Variants in WIPI2 observed in about 807,000 individuals in gnomAD.
WIPI2 encodes WD repeat domain, phosphoinositide interacting 2.
Under a neutral mutation model 52.3 loss-of-function variants are expected in WIPI2, and 28 were observed. The observed-to-expected ratio is 0.54, with a 90% CI of 0.40 to 0.73. The LOEUF is 0.73. Ranked by LOEUF, WIPI2 falls within the 30% of genes least tolerant of loss-of-function variation. The pLI is 0.00. For synonymous variants in WIPI2, 268 were observed against 245.0 expected (o/e 1.09, Z -0.88); for missense variants, 506 against 602.9 (o/e 0.84, Z 1.68).
Position 5,232,584 on chromosome 7 carries a change from A to G in WIPI2, c.*1637A>G, listed in dbSNP as rs901842873. On this transcript the variant is annotated 3_prime_UTR_variant, in exon 13 of 13. Coordinates refer to ENST00000288828, the MANE Select transcript of WIPI2 (RefSeq NM_015610.4). ...TGAGACAGTGGGGACCGCCGAGGCC[A>G]GAGTGGGCTATGCTTGAGCAGGGAT... 4.9e-5 allele frequency: 17 copies of G among 347,908 alleles called. No homozygotes were observed. The highest frequency in any genetic ancestry group is 8.7e-5 in the Non-Finnish European group (17 of 194,578). 21.6% of individuals were successfully genotyped at this position (347,908 alleles called of 1,614,324 possible).
In WIPI2 at chr7:5,227,087, G is replaced by A; in HGVS notation, c.849-93G>A. 8 of 1,514,352 alleles carry A rather than the reference G, an allele frequency of 5.3e-6. No individual in the cohort carries two copies. Among genetic ancestry groups the A allele is most frequent in the Non-Finnish European group, 6.2e-6 (7 of 1,120,940 alleles). 93.8% of individuals were successfully genotyped at this position (1,514,352 alleles called of 1,614,324 possible). A position where few individuals can be genotyped will look rare whatever the true frequency, so the allele number is the denominator to read the frequency against. On this transcript the variant is annotated intron_variant, in intron 9 of 12. Transcript: ENST00000288828. This position sits in a 1 kb window ranked among gnomAD's most constrained non-coding sequence, Gnocchi z 8.1. Reference sequence around the variant, plus strand: ...CCTGTGAAGAATGGAGACTTTTGCTGTCGGCTCCAGAGCTGTGCGTCTGTG... The same window carrying A: ...CCTGTGAAGAATGGAGACTTTTGCTATCGGCTCCAGAGCTGTGCGTCTGTG...
rs145171712 is a variant in WIPI2, at chr7:5,229,738, G to A, written c.1252G>A (p.Ala418Thr). The A allele has an allele frequency of 9.4e-5, 151 of 1,613,580 alleles. No homozygotes were observed. The highest frequency in any genetic ancestry group is 1.3e-4 in the Non-Finnish European group (148 of 1,179,776). Residue 418 changes from alanine to threonine, a missense_variant and splice_region_variant, in exon 12 of 13, where the codon GCC becomes ACC. Physicochemically the swap from Ala to Thr is moderately conservative, Grantham distance 58. This residue lies in a region of WIPI2 where 194 missense variants were observed against 175.1 expected (regional missense o/e 1.11). Transcript: ENST00000288828. ...CGTGCCTTCATCCCCAACGAGACTT[G>A]GTAAGGGGCGTGACGCAAACCTGGA... ...TYVPSSPTRL[A>T]YTDDLGAVGG...
rs1166588422 is a variant in WIPI2 at position 5,232,661 on chromosome 7, G to T, written c.*1714G>T. 1.8e-5 allele frequency: 4 copies of T among 219,566 alleles called. No individual in the cohort carries two copies. Among genetic ancestry groups the T allele is most frequent in the Non-Finnish European group, 2.7e-5 (3 of 112,616 alleles). 13.6% of individuals were successfully genotyped at this position (219,566 alleles called of 1,614,324 possible). On this transcript the variant is annotated 3_prime_UTR_variant, in exon 13 of 13. Transcript: ENST00000288828. The stretch of plus-strand genomic sequence containing the variant: ...TTGACCCACGCCTGCGTCTTGTGGT[G>T]CAAGGCCAGAGGGCTCTCTCTAGAA...
chr7:5,201,470 G>A (rs928968325), intron 3 of WIPI2, among the ~76,000 whole-genome samples: 7 of 152,226 alleles, frequency 4.6e-5, no homozygotes, highest in Non-Finnish European at 8.8e-5. Context: ...TTGGCCGGGC[G>A]CAGTGGCTCA....
At chr7:5,224,075 C>T (rs1783292792) in intron 8 of WIPI2, among the ~76,000 whole-genome samples, 2 of 152,266 alleles carry the variant, frequency 1.3e-5, no homozygotes, top group Non-Finnish European at 2.9e-5. Context: ...CAGGATTAGC[C>T]CCAGGCCCCT....
intron 3 of WIPI2, among the ~76,000 whole-genome samples, chr7:5,213,670 T>C (rs1458498001): frequency 2.7e-5 from 1 of 37,524 alleles, no homozygotes; most frequent in Admixed American, 2.8e-4. Context: ...TTTGTTTTGT[T>C]GTTGTTGTTG....
chr7:5,217,853 C>T (rs988887948), intron 6 of WIPI2, 69 bp from the exon 7 acceptor site: 1 of 1,518,366 alleles, frequency 6.6e-7, no homozygotes, highest in African/African-American at 1.4e-5. Flanking sequence ...ACTTGCGGAC[C>T]AAGTGTCAGC....
intron 1 of WIPI2, 168 bp downstream of exon 1, chr7:5,190,661 C>A: frequency 1.8e-6 from 1 of 553,614 alleles, no homozygotes; most frequent in Non-Finnish European, 2.8e-6. Flanking sequence ...GGGAGGGGCG[C>A]CCTCCAGGGA....
At chr7:5,224,063 T>C (rs1783292059) in intron 8 of WIPI2, among the ~76,000 whole-genome samples, 1 of 152,262 alleles carries the variant, frequency 6.6e-6, no homozygotes, top group African/African-American at 2.4e-5. Context: ...ACCTCTGTCC[T>C]GCAGGATTAG....
At chr7:5,194,046 C>G (rs1346874535) in intron 2 of WIPI2, among the ~76,000 whole-genome samples, 1 of 152,212 alleles carries the variant, frequency 6.6e-6, no homozygotes, top group Non-Finnish European at 1.5e-5. Context: ...ACCCACAGGA[C>G]GTGCATCATG....
chr7:5,231,197 A>T lies in WIPI2; in HGVS notation c.*250A>T. ...TTTGTTTGTTTTCTCTTTTTGCCAA[A>T]ATTAACTGTTTGGTGAAGCCCGCAA... On this transcript the variant is annotated 3_prime_UTR_variant, in exon 13 of 13. Transcript: ENST00000288828. 1 of 403,324 alleles carries T rather than the reference A, an allele frequency of 2.5e-6. No individual in the cohort carries two copies. Among genetic ancestry groups the T allele is most frequent in the Non-Finnish European group, 4.4e-6 (1 of 227,296 alleles). The allele number at this position is 403,324 out of a possible 1,614,324, so 25.0% of individuals were successfully genotyped here.
intron 7 of WIPI2, chr7:5,218,272 G>C (rs1182610909): frequency 2.4e-6 from 1 of 408,580 alleles, no homozygotes; most frequent in South Asian, 2.9e-5. Context: ...CAGAAGTGCC[G>C]TGTGTAACCA....
chr7:5,218,050 A>C, intron 7 of WIPI2, 36 bp downstream of exon 7: 5 of 1,607,122 alleles, frequency 3.1e-6, no homozygotes, highest in Non-Finnish European at 4.3e-6. Flanking sequence ...CACTGGTGCC[A>C]AGGCGTCCAC....
At chr7:5,193,002 A>T (rs1781551891) in intron 1 of WIPI2, 116 bp from the exon 2 acceptor site, 1 of 937,716 alleles carries the variant, frequency 1.1e-6, no homozygotes, top group Non-Finnish European at 1.7e-6. Flanking sequence ...GCCTTTCTTT[A>T]CTGGTAATAT....
chr7:5,194,355 G>A lies in WIPI2; in HGVS notation c.128+1184G>A, dbSNP rs532747016. ...TCCGCCTAAGCACGCAATCAAGTAT[G>A]GCTTCTCCGCAAAGATGATGAAGAA... On this transcript the variant is annotated intron_variant, in intron 2 of 12. Coordinates refer to ENST00000288828, the MANE Select transcript of WIPI2 (RefSeq NM_015610.4). Among the ~76,000 whole-genome samples the A allele has an allele frequency of 3.3e-5, 5 of 152,304 alleles. 1 individual carries two copies. Among genetic ancestry groups the A allele is most frequent in the African/African-American group, 1.2e-4 (5 of 41,554 alleles).
intron 2 of WIPI2, among the ~76,000 whole-genome samples, chr7:5,197,516 G>A (rs1051277314): frequency 6.6e-6 from 1 of 152,118 alleles, no homozygotes; most frequent in Non-Finnish European, 1.5e-5. Context: ...AACTAATTCA[G>A]TATAGTAAAG....
rs556364226 is a variant in WIPI2, at chr7:5,223,676, C to T, written c.740+1004C>T. Among the ~76,000 whole-genome samples, 3 of 152,326 alleles carry T rather than the reference C, an allele frequency of 2.0e-5. No individual in the cohort carries two copies. In the East Asian group the frequency reaches 5.8e-4, roughly 29 times the overall value. ...TCCCGGGGCTGGACGTGTAGCCTGG[C>T]TTCCTTCTTGAGGTGCCCGTATTCC... On this transcript the variant is annotated intron_variant, in intron 8 of 12. Transcript: ENST00000288828.
At chr7:5,195,588 T>C (rs1189535845) in intron 2 of WIPI2, among the ~76,000 whole-genome samples, 1 of 152,244 alleles carries the variant, frequency 6.6e-6, no homozygotes, top group African/African-American at 2.4e-5. Flanking sequence ...AATCTCCTAC[T>C]TACCTGTTGC....
Position 5,231,048 on chromosome 7 carries a change from A to T in WIPI2, c.*101A>T. The T allele has an allele frequency of 3.5e-6, 3 of 855,492 alleles. No individual in the cohort carries two copies. Among genetic ancestry groups the T allele is most frequent in the Non-Finnish European group, 5.1e-6 (3 of 584,004 alleles). The allele number at this position is 855,492 out of a possible 1,614,324, so 53.0% of individuals were successfully genotyped here. On this transcript the variant is annotated 3_prime_UTR_variant, in exon 13 of 13. Coordinates refer to ENST00000288828, the MANE Select transcript of WIPI2 (RefSeq NM_015610.4). ...ACTTTGACCTGAGTCGGGGGAGAGGATGGCAGAGACTTTATTAAAAAAAAA... is the reference window on the plus strand; with the variant it reads ...ACTTTGACCTGAGTCGGGGGAGAGGTTGGCAGAGACTTTATTAAAAAAAAA...
Sources: allele counts gnomAD v4.1 joint callset (sites outside exome capture counted in the v4.1 genomes callset), GRCh38; gene constraint gnomAD v4.1.1; regional missense constraint gnomAD v4.1.1; non-coding constraint Gnocchi (gnomAD v3.1); transcripts MANE v1.5; gene names NCBI Gene and HGNC (gene_info 2026-07-23, HGNC 2026-07-21).